The following DAGLA variants were observed in gnomAD, a reference collection of about 807,000 sequenced individuals.
DAGLA encodes the protein diacylglycerol lipase alpha.
A neutral mutation model predicts 102.6 loss-of-function variants in DAGLA; 22 were observed. The observed-to-expected ratio is 0.21, with a 90% CI of 0.15 to 0.31. The LOEUF (loss-of-function observed/expected upper bound fraction) is 0.31. Ranked by LOEUF, DAGLA falls within the 10% of genes least tolerant of loss-of-function variation. DAGLA has a pLI of 1.00. For synonymous variants in DAGLA, 578 were observed against 628.9 expected (o/e 0.92, Z 1.21); for missense variants, 927 against 1,446.6 (o/e 0.64, Z 5.83).
chr11:61,716,065 A>G (rs1473029193), intron 1 of DAGLA, among the ~76,000 whole-genome samples: 1 of 152,086 alleles, frequency 6.6e-6, no homozygotes, highest in Non-Finnish European at 1.5e-5. Flanking sequence ...AGGGGGAAGG[A>G]GCCACTGTCT....
At chr11:61,696,602 G>A (rs2065068562) in intron 1 of DAGLA, among the ~76,000 whole-genome samples, 2 of 151,920 alleles carry the variant, frequency 1.3e-5, no homozygotes, top group African/African-American at 2.4e-5. Flanking sequence ...TTGGGGGTGG[G>A]GTGGGGTGGG....
chr11:61,690,090 T>G (rs2065012178), intron 1 of DAGLA, among the ~76,000 whole-genome samples: 1 of 152,132 alleles, frequency 6.6e-6, no homozygotes, highest in African/African-American at 2.4e-5. Flanking sequence ...CAAACTCTCC[T>G]GGGCTGCAGG....
intron 1 of DAGLA, among the ~76,000 whole-genome samples, chr11:61,705,006 CCTGAGCTCGGGACTGGG>C (rs575524370): frequency 1.1e-3 from 175 of 152,242 alleles, no homozygotes; most frequent in African/African-American, 3.9e-3. Context: ...CCCGGGCTCG[CCTGAGCTCGGGACTGGG>C]CTGAGCTGAG....
intron 1 of DAGLA, among the ~76,000 whole-genome samples, chr11:61,718,990 C>T (rs1207205779): frequency 1.3e-5 from 2 of 152,226 alleles, no homozygotes; most frequent in Non-Finnish European, 2.9e-5. Flanking sequence ...GCCGCCTGCC[C>T]CGGACCAGGT....
At position 61,684,387 on chromosome 11, in the gene DAGLA, T is replaced by C. The variant is rs553216234; in HGVS notation, c.-45+3883T>C. On this transcript the variant is annotated intron_variant, in intron 1 of 19. Transcript: ENST00000257215. This position sits in a 1 kb window ranked among gnomAD's most constrained non-coding sequence, Gnocchi z 4.5. ...CCCCAGCGGATAGGGCTGAAAATGG[T>C]TTATTTTGATTTTCTTTTTTTGTTT... Among the ~76,000 whole-genome samples the C allele has an allele frequency of 1.6e-4, 24 of 151,996 alleles. No homozygotes were observed. Among genetic ancestry groups the C allele is most frequent in the African/African-American group, 5.8e-4 (24 of 41,428 alleles).
At chr11:61,717,856 C>A (rs1296047973) in intron 1 of DAGLA, among the ~76,000 whole-genome samples, 1 of 152,220 alleles carries the variant, frequency 6.6e-6, no homozygotes, top group African/African-American at 2.4e-5. Flanking sequence ...CTGGTCATAT[C>A]CCTCCAGCGT....
Position 61,686,718 on chromosome 11 carries a change from A to G in DAGLA, c.-45+6214A>G, listed in dbSNP as rs4963307. On this transcript the variant is annotated intron_variant, in intron 1 of 19. Coordinates refer to ENST00000257215, the MANE Select transcript of DAGLA (RefSeq NM_006133.3). This position sits in a 1 kb window ranked among gnomAD's most constrained non-coding sequence, Gnocchi z 5.2. ...TAAGGTGAGACAGGATGCTGCCTCG[A>G]ATTCATCCTGAATGGGCCCCTCGTC... Among the ~76,000 whole-genome samples, 61,628 of 152,112 alleles carry G rather than the reference A, an allele frequency of 0.41. 14,136 individuals are homozygous for G. The highest frequency in any genetic ancestry group is 0.51 in the Non-Finnish European group (34,657 of 67,982).
intron 1 of DAGLA, among the ~76,000 whole-genome samples, chr11:61,689,617 GCCTCA>G (rs2065009415): frequency 1.3e-5 from 2 of 151,580 alleles, no homozygotes; most frequent in Non-Finnish European, 2.9e-5. Context: ...CCATTCTCCT[GCCTCA>G]GACTCCCAAG....
Position 61,690,417 on chromosome 11 carries a change from G to A in DAGLA, c.-45+9913G>A, listed in dbSNP as rs191538266. 4.6e-5 allele frequency among the ~76,000 whole-genome samples: 7 copies of A among 152,262 alleles called. No homozygotes were observed. In the East Asian group the frequency reaches 5.8e-4, roughly 13 times the overall value. ...AGGGAGTTCCTGGGTTGGCATAAGC[G>A]GACACTACCACTCTACCAGCAGCCA... is the stretch of plus-strand genomic sequence containing the variant. On this transcript the variant is annotated intron_variant, in intron 1 of 19. Transcript: ENST00000257215.
At chr11:61,737,863 TCAAGGGACC>T in intron 15 of DAGLA, 108 bp downstream of exon 15, 2 of 1,018,732 alleles carry the variant, frequency 2.0e-6, no homozygotes, top group South Asian at 2.7e-5. Context: ...TTCCTGTCTC[TCAAGGGACC>T]CCACGCCCCT....
chr11:61,706,910 C>T (rs2065155150), intron 1 of DAGLA, among the ~76,000 whole-genome samples: 1 of 152,254 alleles, frequency 6.6e-6, no homozygotes, highest in Admixed American at 6.5e-5. Context: ...CCCAGCTGGG[C>T]ATCCCATTAG....
chr11:61,699,901 A>G (rs2065095756), intron 1 of DAGLA, among the ~76,000 whole-genome samples: 1 of 151,142 alleles, frequency 6.6e-6, no homozygotes, highest in Non-Finnish European at 1.5e-5. Flanking sequence ...TGTTTGCCCA[A>G]GGATTTCTCC....
intron 1 of DAGLA, among the ~76,000 whole-genome samples, chr11:61,691,845 C>G (rs1168210966): frequency 6.6e-6 from 1 of 152,224 alleles, no homozygotes; most frequent in African/African-American, 2.4e-5. Flanking sequence ...CCTTTCACCT[C>G]TCAGCTGCAG....
chr11:61,685,544 CTG>C (rs35447266), intron 1 of DAGLA, among the ~76,000 whole-genome samples: 2,513 of 152,272 alleles, frequency 0.017, 72 homozygotes, highest in African/African-American at 0.056. Context: ...TGAGCGCCTG[CTG>C]TGAGTTGGGG....
Position 61,744,255 on chromosome 11 carries a change from G to A in DAGLA, c.2895G>A (p.Glu965=), listed in dbSNP as rs768725432. 1.9e-6 allele frequency: 3 copies of A among 1,613,006 alleles called. No homozygotes were observed. The South Asian group carries it at 3.3e-5, about 18-fold the overall frequency. ...AGATCCTGCTCCGTGCCCAGTTCGAGCCCAACCTGGTGCCCAAGCCCCCAC... is the reference window on the plus strand; with the variant it reads ...AGATCCTGCTCCGTGCCCAGTTCGAACCCAACCTGGTGCCCAAGCCCCCAC... ...QQEILLRAQF[E]PNLVPKPPRL... Residue 965 remains glutamate, a synonymous_variant, in exon 20 of 20, where the codon GAG becomes GAA. Transcript: ENST00000257215.
intron 9 of DAGLA, among the ~76,000 whole-genome samples, chr11:61,733,277 G>T (rs935351448): frequency 6.6e-6 from 1 of 152,208 alleles, no homozygotes; most frequent in Admixed American, 6.5e-5. Flanking sequence ...GCTCAGCTGA[G>T]GTTGGAGAGG....
At chr11:61,682,012 T>TA (rs1035855584) in intron 1 of DAGLA, among the ~76,000 whole-genome samples, 3 of 149,726 alleles carry the variant, frequency 2.0e-5, no homozygotes, top group African/African-American at 7.3e-5. Context: ...GGAAGGCACT[T>TA]ATGAGTCCAA....
intron 1 of DAGLA, among the ~76,000 whole-genome samples, chr11:61,690,986 A>G (rs993684468): frequency 1.2e-4 from 18 of 152,018 alleles, no homozygotes; most frequent in African/African-American, 3.9e-4. Flanking sequence ...CTCGCACAGC[A>G]TGGCTCCTCT....
At chr11:61,712,548 A>C (rs1437354309) in intron 1 of DAGLA, among the ~76,000 whole-genome samples, 1 of 152,160 alleles carries the variant, frequency 6.6e-6, no homozygotes, top group East Asian at 1.9e-4. Context: ...CTCATGCTGA[A>C]ATCTGGCCCC....
Sources: allele counts gnomAD v4.1 joint callset (sites outside exome capture counted in the v4.1 genomes callset), GRCh38; gene constraint gnomAD v4.1.1; non-coding constraint Gnocchi (gnomAD v3.1); transcripts MANE v1.5; gene names NCBI Gene and HGNC (gene_info 2026-07-23, HGNC 2026-07-21).